Variants in TP63 observed in about 807,000 individuals in gnomAD.
TP63 encodes tumor protein p63, also known as tumor protein 63.
TP63 carries 17 observed loss-of-function variants against 82.8 expected under a neutral mutation model. That is an observed-to-expected ratio of 0.21 (90% CI 0.14 to 0.31). The LOEUF (loss-of-function observed/expected upper bound fraction) is 0.31. Ranked by LOEUF, TP63 falls within the 10% of genes least tolerant of loss-of-function variation. The probability of loss-of-function intolerance (pLI) is 1.00; values close to 1 mark genes in which losing one functional copy is unlikely to be tolerated. For missense variants in TP63, 648 were observed against 895.3 expected (o/e 0.72, Z 3.52); for synonymous variants, 330 against 321.7 (o/e 1.03, Z -0.28).
At chr3:189,743,877 C>A (rs1721179153) in intron 3 of TP63, among the ~76,000 whole-genome samples, 1 of 152,138 alleles carries the variant, frequency 6.6e-6, no homozygotes, top group Non-Finnish European at 1.5e-5. Context: ...ACCACAGACT[C>A]CTATTGTCCT....
intron 1 of TP63, among the ~76,000 whole-genome samples, chr3:189,706,297 C>T (rs1718190514): frequency 6.6e-6 from 1 of 152,080 alleles, no homozygotes; most frequent in African/African-American, 2.4e-5. Context: ...TCCTCTGTCA[C>T]CCAGGCTGGA....
chr3:189,645,436 C>A (rs895381754), intron 1 of TP63: 10 of 386,204 alleles, frequency 2.6e-5, no homozygotes, highest in Admixed American at 6.7e-5. Context: ...TCCAGCTGGT[C>A]TATTTCTAGG....
intron 10 of TP63, chr3:189,881,270 CT>C (rs150573954): frequency 5.1e-6 from 5 of 985,012 alleles, no homozygotes; most frequent in Admixed American, 6.2e-5. Context: ...GACTACTTTT[CT>C]TTTTTTTACT....
intron 4 of TP63, among the ~76,000 whole-genome samples, chr3:189,840,359 CTTTTTTTTTTTTT>C: frequency 4.5e-5 from 2 of 44,448 alleles, no homozygotes; most frequent in Admixed American, 2.6e-4. Context: ...TGCTTTTCGT[CTTTTTTTTTTTTT>C]TTTTTTTTTT....
intron 4 of TP63, among the ~76,000 whole-genome samples, chr3:189,833,644 A>T (rs1712690568): frequency 6.6e-6 from 1 of 151,602 alleles, no homozygotes; most frequent in Non-Finnish European, 1.5e-5. Flanking sequence ...CTGAAAGAGG[A>T]ATCTTATGTC....
At chr3:189,844,773 C>G (rs1714649932) in intron 4 of TP63, among the ~76,000 whole-genome samples, 1 of 152,078 alleles carries the variant, frequency 6.6e-6, no homozygotes, top group Non-Finnish European at 1.5e-5. Flanking sequence ...CGCTAAGGGT[C>G]TTTTTACATT....
chr3:189,852,552 A>C (rs1009015425), intron 4 of TP63, among the ~76,000 whole-genome samples: 1 of 152,204 alleles, frequency 6.6e-6, no homozygotes, highest in African/African-American at 2.4e-5. Flanking sequence ...AAATCCAAAG[A>C]GTTTCCCCCA....
At chr3:189,841,064 C>T (rs1213861287) in intron 4 of TP63, among the ~76,000 whole-genome samples, 1 of 151,924 alleles carries the variant, frequency 6.6e-6, no homozygotes, top group East Asian at 1.9e-4. Context: ...ACTTTGTCCC[C>T]ACCTTTTCCC....
chr3:189,748,464 G>A (rs1721542690), intron 3 of TP63, among the ~76,000 whole-genome samples: 1 of 96,892 alleles, frequency 1.0e-5, no homozygotes. Context: ...ACACCTGGGA[G>A]TAAATTTAAC....
Position 189,886,443 on chromosome 3 carries a change from A to G in TP63, c.1399A>G (p.Asn467Asp). ...ATATGGTAACAGCTCCCCACCTCTG[A>G]ACAAAATGAACAGCATGAACAAGCT... ...SSYGNSSPPLNKMNSMNKLPS... is the reference protein window; with the variant it reads ...SSYGNSSPPLDKMNSMNKLPS... Residue 467 changes from asparagine (N) to aspartate (D), a missense_variant, in exon 11 of 14, where the codon AAC (asparagine) becomes GAC (aspartate). Coordinates refer to ENST00000264731, the MANE Select transcript of TP63 (RefSeq NM_003722.5). 6.2e-7 allele frequency: 1 copy of G among 1,614,106 alleles called. No homozygotes were observed. The highest frequency in any genetic ancestry group is 8.5e-7 in the Non-Finnish European group (1 of 1,179,994).
chr3:189,720,945 G>A (rs546778322), intron 1 of TP63, among the ~76,000 whole-genome samples: 1 of 152,278 alleles, frequency 6.6e-6, no homozygotes, highest in African/African-American at 2.4e-5. Context: ...TGGACAGCTG[G>A]AGGGGTGAGG....
intron 3 of TP63, among the ~76,000 whole-genome samples, chr3:189,746,930 G>A (rs1721422029): frequency 6.6e-6 from 1 of 151,278 alleles, no homozygotes; most frequent in South Asian, 2.1e-4. Context: ...TCATGCATAT[G>A]GAAACCAAAC....
intron 3 of TP63, among the ~76,000 whole-genome samples, chr3:189,791,720 G>A (rs538549416): frequency 6.6e-6 from 1 of 152,182 alleles, no homozygotes; most frequent in African/African-American, 2.4e-5. Context: ...ATAATTTCAT[G>A]GCTTGACTTC....
chr3:189,814,320 C>T (rs943927495), intron 4 of TP63, among the ~76,000 whole-genome samples: 2 of 152,202 alleles, frequency 1.3e-5, no homozygotes, highest in East Asian at 3.8e-4. Context: ...TATCAGTTTT[C>T]TTTCACAGTG....
chr3:189,606,679 A>C, the TP63 span, among the ~76,000 whole-genome samples: 1 of 152,074 alleles, frequency 6.6e-6, no homozygotes, highest in South Asian at 2.1e-4. Flanking sequence ...ATTTTAGTAC[A>C]AAATGAGTAG....
intron 3 of TP63, among the ~76,000 whole-genome samples, chr3:189,799,453 ATATAGG>A (rs1328838175): frequency 1.3e-5 from 2 of 152,118 alleles, no homozygotes; most frequent in Non-Finnish European, 2.9e-5. Context: ...GACCACAAAG[ATATAGG>A]TTCTTATTGC....
At chr3:189,654,931 T>G (rs540597249) in intron 1 of TP63, among the ~76,000 whole-genome samples, 1 of 152,316 alleles carries the variant, frequency 6.6e-6, no homozygotes, top group Admixed American at 6.5e-5. Flanking sequence ...TTTTAGGTTT[T>G]GCATTCCACT....
At chr3:189,797,215 G>C (rs988956362) in intron 3 of TP63, among the ~76,000 whole-genome samples, 1 of 152,088 alleles carries the variant, frequency 6.6e-6, no homozygotes. Context: ...TGTGTTGCCA[G>C]AGGCGGAAAT....
Position 189,897,185 on chromosome 3 carries a change from CT to C in TP63, c.*2687del, listed in dbSNP as rs1721538864. On this transcript the variant is annotated 3_prime_UTR_variant, in exon 14 of 14. Transcript: ENST00000264731. ...GTCTTCTGGTACTTTCTGTTATGGG[CT>C]TTTGGGGAGCCAGAAGCCAATCTAC... 10 of 217,562 alleles carry C rather than the reference CT, an allele frequency of 4.6e-5. No homozygotes were observed. Among genetic ancestry groups the C allele is most frequent in the Admixed American group, 3.5e-4 (6 of 17,226 alleles). 13.5% of individuals were successfully genotyped at this position (217,562 alleles called of 1,614,324 possible). A position where few individuals can be genotyped will look rare whatever the true frequency, so the allele number is the denominator to read the frequency against.
Sources: gnomAD v4.1 joint callset for allele counts (sites outside exome capture counted in the v4.1 genomes callset) on GRCh38, gnomAD v4.1.1 for gene constraint, MANE v1.5 for transcripts, NCBI Gene and HGNC (gene_info 2026-07-23, HGNC 2026-07-21) for gene names.